The following ARHGAP6 variants were observed in gnomAD, a reference collection of about 807,000 sequenced individuals.
ARHGAP6 encodes rho GTPase-activating protein 6.
In ARHGAP6, 16 loss-of-function variants were observed where a neutral mutation model predicts 55.7. That is an observed-to-expected ratio of 0.29 (90% CI 0.19 to 0.44). ARHGAP6 has a LOEUF of 0.44. ARHGAP6 is among the 20% of genes least tolerant of loss of function. ARHGAP6 has a pLI of 1.00. For synonymous variants in ARHGAP6, 382 were observed against 360.9 expected, an observed-to-expected ratio of 1.06 and a Z score of -0.66; for missense variants, 698 against 808.9, an observed-to-expected ratio of 0.86 and a Z score of 1.66.
At chrX:11,202,337 C>T (rs1177475620) in intron 2 of ARHGAP6, among the ~76,000 whole-genome samples, 1 of 110,644 alleles carries the variant, frequency 9.0e-6, no homozygotes, top group Non-Finnish European at 1.9e-5. Context: ...CTCTCAAAAT[C>T]TATAACCGGT....
chrX:11,527,458 A>G (rs2051002443), intron 1 of ARHGAP6, among the ~76,000 whole-genome samples: 1 of 111,187 alleles, frequency 9.0e-6, no homozygotes, highest in South Asian at 3.8e-4. Flanking sequence ...TTAAAAATAC[A>G]AAAATTAGCC....
At chrX:11,198,364 A>T (rs989996091) in intron 2 of ARHGAP6, among the ~76,000 whole-genome samples, 13 of 112,158 alleles carry the variant, frequency 1.2e-4, no homozygotes, top group Middle Eastern at 4.6e-3. Context: ...CTCTCCCATT[A>T]TGTATGTGTT....
intron 1 of ARHGAP6, among the ~76,000 whole-genome samples, chrX:11,484,007 G>A (rs1226570208): frequency 8.9e-6 from 1 of 111,812 alleles, no homozygotes; most frequent in Admixed American, 9.5e-5. Context: ...CTATTATGCA[G>A]GGCTGCTATG....
chrX:11,462,101 G>C (rs769810359), intron 1 of ARHGAP6, among the ~76,000 whole-genome samples: 3 of 112,333 alleles, frequency 2.7e-5, no homozygotes, highest in Non-Finnish European at 3.8e-5. Flanking sequence ...TTATTTATGA[G>C]ACACAAAAGG....
intron 9 of ARHGAP6, among the ~76,000 whole-genome samples, chrX:11,163,994 T>C (rs2045984101): frequency 8.9e-6 from 1 of 112,792 alleles, no homozygotes; most frequent in South Asian, 3.6e-4. Context: ...ACAGTACACA[T>C]GTTCTGTCTT....
At chrX:11,497,338 G>A (rs190301057) in intron 1 of ARHGAP6, among the ~76,000 whole-genome samples, 1,896 of 111,530 alleles carry the variant, frequency 0.017, 17 homozygotes, top group Non-Finnish European at 0.021. Flanking sequence ...ATTAGAGTAA[G>A]TCAACACTGG....
chrX:11,528,220 A>C (rs867039202), intron 1 of ARHGAP6, among the ~76,000 whole-genome samples: 24 of 112,247 alleles, frequency 2.1e-4, no homozygotes, highest in Non-Finnish European at 1.9e-4. Context: ...ATCTGCTTCC[A>C]AAGTCTTATT....
intron 4 of ARHGAP6, among the ~76,000 whole-genome samples, chrX:11,188,504 G>A (rs772542165): frequency 8.9e-6 from 1 of 112,222 alleles, no homozygotes; most frequent in East Asian, 2.8e-4. Context: ...GAGCAAAGAT[G>A]TGACAAAGGA....
chrX:11,513,425 C>T (rs1177658439), intron 1 of ARHGAP6, among the ~76,000 whole-genome samples: 6 of 111,997 alleles, frequency 5.4e-5, no homozygotes, highest in Non-Finnish European at 3.8e-5. Context: ...CTCAAGACCA[C>T]GTTTACAGAG....
chrX:11,181,011 G>A (rs2046307493), intron 6 of ARHGAP6, among the ~76,000 whole-genome samples: 1 of 112,552 alleles, frequency 8.9e-6, no homozygotes, highest in Non-Finnish European at 1.9e-5. Context: ...CTTGACAGAA[G>A]TGGGTCAAAG....
chrX:11,340,669 C>A (rs1487289120), intron 1 of ARHGAP6, among the ~76,000 whole-genome samples: 1 of 106,719 alleles, frequency 9.4e-6, no homozygotes, highest in Non-Finnish European at 1.9e-5. Context: ...GCGGAGCTTG[C>A]AGTGAGCCGA....
intron 10 of ARHGAP6, among the ~76,000 whole-genome samples, chrX:11,145,889 T>G (rs58385536): frequency 0.21 from 23,767 of 111,633 alleles, 1,875 homozygotes; most frequent in Middle Eastern, 0.27. Flanking sequence ...TTTTAAAGAA[T>G]CCCTCCAGGT....
intron 2 of ARHGAP6, among the ~76,000 whole-genome samples, chrX:11,245,397 T>C (rs2047339791): frequency 9.0e-6 from 1 of 111,597 alleles, no homozygotes; most frequent in South Asian, 3.8e-4. Context: ...AGTTTGGCTC[T>C]AGAGAGAGAA....
chrX:11,664,701 A>G lies in ARHGAP6; in HGVS notation c.128T>C (p.Ile43Thr), dbSNP rs1242173473. Residue 43 changes from isoleucine (I) to threonine (T), a missense_variant, in exon 1 of 13, where the codon ATC (isoleucine) becomes ACC (threonine). Around this residue, in one of 3 missense-constraint regions of ARHGAP6, gnomAD observed 164 missense variants for 149.2 expected, o/e 1.10. Transcript: ENST00000337414. The stretch of plus-strand genomic sequence containing the variant: ...CGCCTCGTCGCTCCCGCAGCCGCCG[A>G]TCAGGGCCGGGTCCAGGCTGCGGGT... The part of the protein sequence containing the change: ...RQTRSLDPAL[I>T]GGCGSDEAGA... 8.5e-7 allele frequency: 1 copy of G among 1,181,572 alleles called. No individual in the cohort carries two copies. Among genetic ancestry groups the G allele is most frequent in the Non-Finnish European group, 1.1e-6 (1 of 882,223 alleles).
At position 11,137,979 on chromosome X, in the gene ARHGAP6, T is replaced by TA. The variant is rs1224663691; in HGVS notation, c.*883dup. 9.0e-6 allele frequency: 1 copy of TA among 111,657 alleles called. No individual in the cohort carries two copies. Among genetic ancestry groups the TA allele is most frequent in the African/African-American group, 3.3e-5 (1 of 30,691 alleles). 9.2% of individuals were successfully genotyped at this position (111,657 alleles called of 1,213,427 possible). A position where few individuals can be genotyped will look rare whatever the true frequency, so the allele number is the denominator to read the frequency against. The stretch of plus-strand genomic sequence containing the variant: ...AATTTGAATATTCTGTGTAGATTCT[T>TA]AAACACTTTATAGTTGGATTCCAGT... On this transcript the variant is annotated 3_prime_UTR_variant, in exon 13 of 13. Coordinates refer to ENST00000337414, the MANE Select transcript of ARHGAP6 (RefSeq NM_013427.3).
chrX:11,411,344 A>G (rs1240087570), intron 1 of ARHGAP6, among the ~76,000 whole-genome samples: 1 of 104,908 alleles, frequency 9.5e-6, no homozygotes, highest in East Asian at 3.1e-4. Flanking sequence ...TAGGAAGATA[A>G]CTTTATTTTG....
chrX:11,338,545 C>T (rs1233479946), intron 1 of ARHGAP6, among the ~76,000 whole-genome samples: 1 of 111,578 alleles, frequency 9.0e-6, no homozygotes, highest in Non-Finnish European at 1.9e-5. Flanking sequence ...TAATTAATCT[C>T]CCCACTAACA....
chrX:11,590,021 A>C (rs1372618755), intron 1 of ARHGAP6, among the ~76,000 whole-genome samples: 1 of 111,665 alleles, frequency 9.0e-6, no homozygotes, highest in Non-Finnish European at 1.9e-5. Flanking sequence ...AGAGAACTTG[A>C]GACAGAAGTG....
intron 1 of ARHGAP6, among the ~76,000 whole-genome samples, chrX:11,417,581 G>T (rs1389711426): frequency 9.0e-6 from 1 of 111,626 alleles, no homozygotes; most frequent in Non-Finnish European, 1.9e-5. Context: ...GTGTAAATAA[G>T]ATGCTACCAT....
Sources: allele counts gnomAD v4.1 joint callset (sites outside exome capture counted in the v4.1 genomes callset), GRCh38; gene constraint gnomAD v4.1.1; regional missense constraint gnomAD v4.1.1; transcripts MANE v1.5; gene names NCBI Gene and HGNC (gene_info 2026-07-23, HGNC 2026-07-21).